PAG1: variants seen among roughly 807,000 people sequenced by gnomAD.
PAG1 encodes the protein phosphoprotein associated with glycosphingolipid-enriched microdomains 1.
A neutral mutation model predicts 31.7 loss-of-function variants in PAG1; 23 were observed. That is an observed-to-expected ratio of 0.73 (90% CI 0.52 to 1.03). The LOEUF (loss-of-function observed/expected upper bound fraction) is 1.03, where lower values mean the gene tolerates loss of function less well. PAG1 is among the 50% of genes least tolerant of loss of function. The pLI is 0.00. For synonymous variants in PAG1, 214 were observed against 210.3 expected, an observed-to-expected ratio of 1.02 and a Z score of -0.15; for missense variants, 473 against 540.7, an observed-to-expected ratio of 0.87 and a Z score of 1.24.
intron 4 of PAG1, 94 bp downstream of exon 4, chr8:80,993,009 G>T: frequency 8.9e-7 from 1 of 1,121,304 alleles, no homozygotes; most frequent in Non-Finnish European, 1.3e-6. Context: ...GCTCTGTGGC[G>T]GGATTCCATT....
intron 3 of PAG1, among the ~76,000 whole-genome samples, chr8:81,027,162 C>A (rs1245481385): frequency 6.6e-6 from 1 of 152,014 alleles, no homozygotes; most frequent in African/African-American, 2.4e-5. Flanking sequence ...AGGCATGCAC[C>A]ACCATGCTTG....
intron 2 of PAG1, among the ~76,000 whole-genome samples, chr8:81,051,199 T>C (rs960597886): frequency 1.3e-5 from 2 of 152,176 alleles, no homozygotes; most frequent in Non-Finnish European, 2.9e-5. Context: ...TGCTCTTATG[T>C]AAAATGAGCA....
At chr8:81,095,311 G>A (rs1809512720) in intron 1 of PAG1, among the ~76,000 whole-genome samples, 1 of 152,174 alleles carries the variant, frequency 6.6e-6, no homozygotes, top group Non-Finnish European at 1.5e-5. Context: ...TCCTGGTTTT[G>A]AGTTCCCAGC....
At chr8:81,037,299 T>A (rs1808477348) in intron 2 of PAG1, 1 of 152,232 alleles carries the variant, frequency 6.6e-6, no homozygotes, top group African/African-American at 2.4e-5. Flanking sequence ...ATACATACAT[T>A]GATTTTTTTA....
chr8:81,007,810 T>A (rs998087314), intron 3 of PAG1, among the ~76,000 whole-genome samples: 5 of 152,166 alleles, frequency 3.3e-5, no homozygotes, highest in Admixed American at 2.0e-4. Flanking sequence ...CCTAGAGGCA[T>A]GAGGTTTGCA....
At position 80,990,640 on chromosome 8, in the gene PAG1, A is replaced by G. The variant is rs764503630; in HGVS notation, c.177+839T>C. Reference sequence around the variant, plus strand: ...GACAAGGAAGGACCTGGACACTCTCAGGCTGTTCCTCGCCAGGGTGGATCC... The same window carrying G: ...GACAAGGAAGGACCTGGACACTCTCGGGCTGTTCCTCGCCAGGGTGGATCC... On this transcript the variant is annotated intron_variant, in intron 5 of 8. Coordinates refer to ENST00000220597, the MANE Select transcript of PAG1 (RefSeq NM_018440.4). This position sits in a 1 kb window ranked among gnomAD's most constrained non-coding sequence, Gnocchi z 5.1. Among the ~76,000 whole-genome samples the G allele has an allele frequency of 4.6e-5, 7 of 152,140 alleles. No homozygotes were observed. The East Asian group carries it at 9.6e-4, about 21-fold the overall frequency.
intron 1 of PAG1, among the ~76,000 whole-genome samples, chr8:81,095,003 A>T: frequency 6.6e-6 from 1 of 152,212 alleles, no homozygotes; most frequent in East Asian, 1.9e-4. Flanking sequence ...ATTAAATGGA[A>T]TATTAAAGTG....
chr8:81,086,313 T>C (rs540373493), intron 1 of PAG1, among the ~76,000 whole-genome samples: 5 of 152,302 alleles, frequency 3.3e-5, no homozygotes, highest in Non-Finnish European at 7.4e-5. Flanking sequence ...TATTTCATAA[T>C]AGAATTTTGC....
At chr8:81,006,370 T>A (rs562536732) in intron 3 of PAG1, among the ~76,000 whole-genome samples, 37 of 152,370 alleles carry the variant, frequency 2.4e-4, no homozygotes, top group African/African-American at 7.9e-4. Flanking sequence ...CTGTTCTCTA[T>A]CCCTTCTCTC....
rs1324287845 is a variant in PAG1, at chr8:80,969,529, A to C, written c.*7015T>G. On this transcript the variant is annotated 3_prime_UTR_variant, in exon 9 of 9. Transcript: ENST00000220597. ...TGGTTTCCAACTTGTTGAGTTAAAA[A>C]CAAACCAAACCAAACCAGGACATGA... is the stretch of plus-strand genomic sequence containing the variant. The C allele has an allele frequency of 6.6e-6, 1 of 152,234 alleles. No individual in the cohort carries two copies. The highest frequency in any genetic ancestry group is 1.5e-5 in the Non-Finnish European group (1 of 68,042). The allele number at this position is 152,234 out of a possible 1,614,324, so 9.4% of individuals were successfully genotyped here. A position where few individuals can be genotyped will look rare whatever the true frequency, so the allele number is the denominator to read the frequency against.
chr8:81,014,235 G>A (rs548274030), intron 3 of PAG1, among the ~76,000 whole-genome samples: 188 of 152,234 alleles, frequency 1.2e-3, no homozygotes, highest in Non-Finnish European at 2.0e-3. Flanking sequence ...TGCTTTCCTT[G>A]CCAACACAAA....
At chr8:81,035,160 A>C (rs1808442666) in intron 2 of PAG1, among the ~76,000 whole-genome samples, 1 of 152,188 alleles carries the variant, frequency 6.6e-6, no homozygotes, top group Non-Finnish European at 1.5e-5. Context: ...CTGGAGGTCT[A>C]GTCACAGCAA....
rs148323944 is a variant in PAG1 at position 80,970,882 on chromosome 8, G to T, written c.*5662C>A. 1 of 152,694 alleles carries T rather than the reference G, an allele frequency of 6.5e-6. No homozygotes were observed. The highest frequency in any genetic ancestry group is 2.4e-5 in the African/African-American group (1 of 41,438). The allele number at this position is 152,694 out of a possible 1,614,324, so 9.5% of individuals were successfully genotyped here. On this transcript the variant is annotated 3_prime_UTR_variant, in exon 9 of 9. Coordinates refer to ENST00000220597, the MANE Select transcript of PAG1 (RefSeq NM_018440.4). ...CTGTGATATGGCAGCACTGTGATCC[G>T]TACTGGAAAGACATAATGGCATGTC...
At chr8:81,003,724 T>C (rs989326904) in intron 3 of PAG1, among the ~76,000 whole-genome samples, 2 of 152,166 alleles carry the variant, frequency 1.3e-5, no homozygotes, top group African/African-American at 4.8e-5. Context: ...TTCTATCATT[T>C]TATAAGTTGC....
chr8:81,038,214 C>T (rs1356467772), intron 2 of PAG1, among the ~76,000 whole-genome samples: 2 of 152,214 alleles, frequency 1.3e-5, no homozygotes, highest in East Asian at 3.9e-4. Flanking sequence ...CCCAGGAAGC[C>T]GAGAAAGTTG....
chr8:81,013,143 C>T (rs766792911), intron 3 of PAG1, among the ~76,000 whole-genome samples: 19 of 152,208 alleles, frequency 1.2e-4, no homozygotes, highest in Non-Finnish European at 2.1e-4. Context: ...GGTAACCACA[C>T]ATTTGAGAAA....
chr8:81,043,191 G>T (rs1007691730), intron 2 of PAG1, among the ~76,000 whole-genome samples: 5 of 152,158 alleles, frequency 3.3e-5, no homozygotes, highest in African/African-American at 9.6e-5. Context: ...GCCCACTGGT[G>T]AAGTCTCAAG....
chr8:80,989,803 C>G (rs1375203128), intron 5 of PAG1, among the ~76,000 whole-genome samples: 3 of 152,038 alleles, frequency 2.0e-5, no homozygotes, highest in African/African-American at 7.3e-5. Context: ...GGCCTCACCC[C>G]CAGGAAAATT....
chr8:81,003,006 A>G (rs2130604339), intron 3 of PAG1, among the ~76,000 whole-genome samples: 1 of 152,368 alleles, frequency 6.6e-6, no homozygotes, highest in Admixed American at 6.5e-5. Flanking sequence ...AGGAAGGGAC[A>G]GGGTCATGGT....
Sources: allele counts gnomAD v4.1 joint callset (sites outside exome capture counted in the v4.1 genomes callset), GRCh38; gene constraint gnomAD v4.1.1; non-coding constraint Gnocchi (gnomAD v3.1); transcripts MANE v1.5; gene names NCBI Gene and HGNC (gene_info 2026-07-23, HGNC 2026-07-21).